Variants in PTPRJ observed in about 807,000 individuals in gnomAD.
The protein encoded by PTPRJ is receptor-type tyrosine-protein phosphatase eta.
Under a neutral mutation model 141.3 loss-of-function variants are expected in PTPRJ, and 129 were observed. That is an observed-to-expected ratio of 0.91 (90% CI 0.79 to 1.06). The LOEUF is 1.06. Ranked by LOEUF, PTPRJ falls within the 50% of genes least tolerant of loss-of-function variation. The pLI is 0.00. For missense variants in PTPRJ, 1,601 were observed against 1,679.7 expected, an observed-to-expected ratio of 0.95 and a Z score of 0.82; for synonymous variants, 610 against 640.5, an observed-to-expected ratio of 0.95 and a Z score of 0.72.
At chr11:48,076,200 A>G (rs537861946) in intron 1 of PTPRJ, among the ~76,000 whole-genome samples, 1 of 152,300 alleles carries the variant, frequency 6.6e-6, no homozygotes, top group Non-Finnish European at 1.5e-5. Context: ...CCTAACCCCC[A>G]GGAGCTGGTG....
chr11:48,130,147 G>C (rs1464964802), intron 7 of PTPRJ, among the ~76,000 whole-genome samples: 1 of 150,814 alleles, frequency 6.6e-6, no homozygotes, highest in Non-Finnish European at 1.5e-5. Context: ...AGATAAAGCA[G>C]CCAGTGTGGC....
intron 1 of PTPRJ, among the ~76,000 whole-genome samples, chr11:48,066,589 A>ATTATTATTG (rs1565285779): frequency 1.5e-5 from 2 of 136,868 alleles, no homozygotes; most frequent in Admixed American, 7.3e-5. Flanking sequence ...TATTATTATT[A>ATTATTATTG]TTATTATTAT....
intron 1 of PTPRJ, among the ~76,000 whole-genome samples, chr11:47,988,158 T>A (rs1310792736): frequency 6.6e-6 from 1 of 152,154 alleles, no homozygotes; most frequent in Non-Finnish European, 1.5e-5. Context: ...TATTAAAACT[T>A]CATATCAACA....
In PTPRJ at chr11:48,163,671, A is replaced by G. The variant is rs1857841963; in HGVS notation, c.3719+53A>G. The G allele has an allele frequency of 3.2e-6, 5 of 1,546,016 alleles. No individual in the cohort carries two copies. In the Admixed American group the frequency reaches 6.9e-5, roughly 21 times the overall value. ...AGATTTCAAATGTCATTATATATTT[A>G]TGAGCACTTTACAAAAGCAAAGCCT... On this transcript the variant is annotated intron_variant, in intron 23 of 24. Transcript: ENST00000418331.
intron 19 of PTPRJ, 90 bp downstream of exon 19, chr11:48,153,976 A>G (rs527455886): frequency 1.1e-6 from 1 of 882,370 alleles, no homozygotes. Context: ...AGTGATCCTA[A>G]GTAACCACTT....
chr11:48,135,071 C>T (rs957985488), intron 8 of PTPRJ, among the ~76,000 whole-genome samples: 1 of 151,936 alleles, frequency 6.6e-6, no homozygotes, highest in South Asian at 2.1e-4. Flanking sequence ...ATCCTCAGCA[C>T]ATAGCTTCAT....
At chr11:47,983,477 A>G (rs1853966021) in intron 1 of PTPRJ, among the ~76,000 whole-genome samples, 1 of 152,212 alleles carries the variant, frequency 6.6e-6, no homozygotes, top group Admixed American at 6.5e-5. Flanking sequence ...CTGTTTGGAC[A>G]TTAATAAGGG....
At chr11:48,096,618 C>T (rs1856011123) in intron 1 of PTPRJ, among the ~76,000 whole-genome samples, 1 of 151,802 alleles carries the variant, frequency 6.6e-6, no homozygotes, top group Admixed American at 6.6e-5. Flanking sequence ...CAAACCAAAC[C>T]ACCCCTCAGT....
At chr11:48,095,459 A>G (rs1394710465) in intron 1 of PTPRJ, among the ~76,000 whole-genome samples, 1 of 152,136 alleles carries the variant, frequency 6.6e-6, no homozygotes, top group Non-Finnish European at 1.5e-5. Flanking sequence ...TGAGAGGGAG[A>G]GAGAGAGAGA....
Position 48,125,127 on chromosome 11 carries a change from T to C in PTPRJ, c.1034T>C (p.Val345Ala). 7 of 1,614,010 alleles carry C rather than the reference T, an allele frequency of 4.3e-6. No homozygotes were observed. Among genetic ancestry groups the C allele is most frequent in the Non-Finnish European group, 5.9e-6 (7 of 1,179,998 alleles). The change falls in exon 6 of 25, where the codon GTT becomes GCT. Residue 345 changes from valine to alanine, a missense_variant. Val to Ala is a moderately conservative substitution (Grantham distance 64). Coordinates refer to ENST00000418331, the MANE Select transcript of PTPRJ (RefSeq NM_002843.4). ...CCTGGCACCCGATACAATGCCACCGTTTATTCCCAAGCAGCGAATGGCACA... is the reference window on the plus strand; with the variant it reads ...CCTGGCACCCGATACAATGCCACCGCTTATTCCCAAGCAGCGAATGGCACA... ...LEPGTRYNAT[V>A]YSQAANGTEG...
chr11:48,117,234 A>C (rs1009968788), intron 3 of PTPRJ, among the ~76,000 whole-genome samples: 1 of 152,148 alleles, frequency 6.6e-6, no homozygotes, highest in Non-Finnish European at 1.5e-5. Context: ...GACAGCAATA[A>C]ACTCCTACAT....
Position 48,131,076 on chromosome 11 carries a change from T to A in PTPRJ, c.1615+360T>A, listed in dbSNP as rs1211241119. Among the ~76,000 whole-genome samples the A allele has an allele frequency of 7.2e-3, 673 of 93,064 alleles. 1 individual carries two copies. Among genetic ancestry groups the A allele is most frequent in the African/African-American group, 0.027 (616 of 23,158 alleles). 61.1% of individuals were successfully genotyped at this position (93,064 alleles called of 152,430 possible). ...CATATATATATATATATATATTTTTTTTTTTTTTTTTTTTTTTTTTTGAGA... is the reference window on the plus strand; with the variant it reads ...CATATATATATATATATATATTTTTATTTTTTTTTTTTTTTTTTTTTGAGA... On this transcript the variant is annotated intron_variant, in intron 8 of 24. Transcript: ENST00000418331.
chr11:48,147,430 G>A (rs531735334), intron 15 of PTPRJ, among the ~76,000 whole-genome samples: 1 of 152,174 alleles, frequency 6.6e-6, no homozygotes, highest in East Asian at 1.9e-4. Flanking sequence ...TGCCTTGTAT[G>A]CTATTACTAT....
intron 1 of PTPRJ, among the ~76,000 whole-genome samples, chr11:48,044,230 G>A (rs927428233): frequency 1.3e-5 from 2 of 152,212 alleles, no homozygotes; most frequent in Non-Finnish European, 2.9e-5. Context: ...AGGCGTATGT[G>A]CTTCATATGG....
At chr11:48,055,167 T>C (rs914348187) in intron 1 of PTPRJ, among the ~76,000 whole-genome samples, 6 of 151,802 alleles carry the variant, frequency 4.0e-5, no homozygotes, top group African/African-American at 1.5e-4. Flanking sequence ...GTTTGGGTGA[T>C]GCAGTGAGAT....
intron 1 of PTPRJ, among the ~76,000 whole-genome samples, chr11:48,082,410 ATTTTTTTT>A (rs386373791): frequency 6.4e-5 from 8 of 125,252 alleles, no homozygotes; most frequent in Middle Eastern, 4.1e-3. Context: ...TACCTGGCAA[ATTTTTTTT>A]TTTTTTTTTT....
chr11:48,034,041 A>G (rs925790569), intron 1 of PTPRJ, among the ~76,000 whole-genome samples: 4 of 152,216 alleles, frequency 2.6e-5, no homozygotes, highest in Admixed American at 2.6e-4. Flanking sequence ...CACTGTTAAC[A>G]GTTGCTGAGT....
chr11:48,062,857 T>A (rs1187296920), intron 1 of PTPRJ, among the ~76,000 whole-genome samples: 1 of 152,186 alleles, frequency 6.6e-6, no homozygotes, highest in East Asian at 1.9e-4. Context: ...CCTGGGCAGG[T>A]TATCTTTGTC....
At chr11:48,097,841 A>ATT (rs930737173) in intron 1 of PTPRJ, among the ~76,000 whole-genome samples, 2 of 151,530 alleles carry the variant, frequency 1.3e-5, no homozygotes, top group African/African-American at 4.8e-5. Flanking sequence ...CCCGGCCTGA[A>ATT]TTTTTTTTTG....
Sources: gnomAD v4.1 joint callset for allele counts (sites outside exome capture counted in the v4.1 genomes callset) on GRCh38, gnomAD v4.1.1 for gene constraint, MANE v1.5 for transcripts, NCBI Gene and HGNC (gene_info 2026-07-23, HGNC 2026-07-21) for gene names.